Variants in UBL3 observed in about 807,000 individuals in gnomAD.
The protein encoded by UBL3 is ubiquitin like 3.
UBL3 carries 6 observed loss-of-function variants against 18.4 expected under a neutral mutation model. That is an observed-to-expected ratio of 0.33 (90% CI 0.18 to 0.64). The LOEUF (loss-of-function observed/expected upper bound fraction) is 0.64, where lower values mean the gene tolerates loss of function less well. Ranked by LOEUF, UBL3 falls within the 30% of genes least tolerant of loss-of-function variation. The pLI, the probability that UBL3 is intolerant of heterozygous loss-of-function variation, is 0.76. For missense variants in UBL3, 109 were observed against 142.9 expected (o/e 0.76, Z 1.21); for synonymous variants, 49 against 46.6 (o/e 1.05, Z -0.21).
At chr13:29,774,939 A>T (rs985503499) in intron 2 of UBL3, among the ~76,000 whole-genome samples, 1 of 152,164 alleles carries the variant, frequency 6.6e-6, no homozygotes, top group East Asian at 1.9e-4. Context: ...GTACTTCTTT[A>T]ATTGTTAGGA....
At chr13:29,784,322 C>G (rs762341518) in intron 1 of UBL3, among the ~76,000 whole-genome samples, 1 of 152,106 alleles carries the variant, frequency 6.6e-6, no homozygotes, top group Non-Finnish European at 1.5e-5. Context: ...TTTAAAAAGG[C>G]TGTTTTCTAC....
chr13:29,849,721 A>T lies in UBL3; in HGVS notation c.-183T>A. ...AGGCCGAGGTTCTGGTTCGAAGAGG[A>T]ACAATCCCCAGGAGCTGTGTGGCCG... On this transcript the variant is annotated 5_prime_UTR_variant, in exon 1 of 5. Transcript: ENST00000380680. 1 of 731,442 alleles carries T rather than the reference A, an allele frequency of 1.4e-6. No homozygotes were observed. Among genetic ancestry groups the T allele is most frequent in the South Asian group, 1.8e-5 (1 of 57,042 alleles). The allele number at this position is 731,442 out of a possible 1,614,324, so 45.3% of individuals were successfully genotyped here.
chr13:29,848,244 G>A (rs1212561739), intron 1 of UBL3, among the ~76,000 whole-genome samples: 2 of 128,190 alleles, frequency 1.6e-5, no homozygotes, highest in African/African-American at 6.0e-5. Context: ...AGGAGTTTGA[G>A]ACCAGCCTGG....
At chr13:29,795,851 G>A (rs1415190331) in intron 1 of UBL3, among the ~76,000 whole-genome samples, 1 of 151,596 alleles carries the variant, frequency 6.6e-6, no homozygotes, top group East Asian at 1.9e-4. Flanking sequence ...AGGATCACTG[G>A]AGCCCAGAAG....
Position 29,849,819 on chromosome 13 carries a change from C to T in UBL3, c.-281G>A, listed in dbSNP as rs1879323948. On this transcript the variant is annotated 5_prime_UTR_variant, in exon 1 of 5. Transcript: ENST00000380680. ...CGTCGTCGTCAACAGCAGCAGCAGCCCCAGGACCGGCCGCGCCAGGTGGAC... is the reference window on the plus strand; with the variant it reads ...CGTCGTCGTCAACAGCAGCAGCAGCTCCAGGACCGGCCGCGCCAGGTGGAC... 1 of 554,128 alleles carries T rather than the reference C, an allele frequency of 1.8e-6. No individual in the cohort carries two copies. Among genetic ancestry groups the T allele is most frequent in the Non-Finnish European group, 3.2e-6 (1 of 311,064 alleles). 34.3% of individuals were successfully genotyped at this position (554,128 alleles called of 1,614,324 possible). A position where few individuals can be genotyped will look rare whatever the true frequency, so the allele number is the denominator to read the frequency against.
At chr13:29,767,393 T>C (rs762627620) in intron 4 of UBL3, 86 bp from the exon 5 acceptor site, 388 of 1,481,932 alleles carry the variant, frequency 2.6e-4, no homozygotes, top group Non-Finnish European at 3.2e-4. Flanking sequence ...TAGGAAGTAG[T>C]AGTTTTGAGT....
chr13:29,770,899 G>A lies in UBL3; in HGVS notation c.223+1213C>T, dbSNP rs185750093. ...TCTTAGTAGATAGCAGCATTTTTTA[G>A]ACCAGTTATAATACTACCAGTGAAA... On this transcript the variant is annotated intron_variant, in intron 3 of 4. Coordinates refer to ENST00000380680, the MANE Select transcript of UBL3 (RefSeq NM_007106.4). Among the ~76,000 whole-genome samples the A allele has an allele frequency of 5.3e-5, 8 of 151,948 alleles. No individual in the cohort carries two copies. The East Asian group carries it at 1.4e-3, about 26-fold the overall frequency.
intron 2 of UBL3, among the ~76,000 whole-genome samples, chr13:29,774,318 TCA>T (rs1221079285): frequency 3.4e-4 from 52 of 152,258 alleles, no homozygotes; most frequent in Non-Finnish European, 5.9e-5. Context: ...CAAATAAATT[TCA>T]GAGTGATTAC....
chr13:29,831,344 C>T (rs1238311316), intron 1 of UBL3, among the ~76,000 whole-genome samples: 1 of 152,082 alleles, frequency 6.6e-6, no homozygotes, highest in Non-Finnish European at 1.5e-5. Context: ...AATCCCAGCA[C>T]TTTGGGAGGC....
In UBL3 at chr13:29,824,533, T is replaced by A. The variant is rs188594506; in HGVS notation, c.27+24979A>T. ...TTTTGAGAAGTGTCTGTTCATATCCTTCGCCCACTTGTTGCTGGGGTTGTT... is the reference window on the plus strand; with the variant it reads ...TTTTGAGAAGTGTCTGTTCATATCCATCGCCCACTTGTTGCTGGGGTTGTT... On this transcript the variant is annotated intron_variant, in intron 1 of 4. Coordinates refer to ENST00000380680, the MANE Select transcript of UBL3 (RefSeq NM_007106.4). Among the ~76,000 whole-genome samples, 26 of 152,372 alleles carry A rather than the reference T, an allele frequency of 1.7e-4. No homozygotes were observed. In the East Asian group the frequency reaches 5.0e-3, roughly 29 times the overall value.
intron 1 of UBL3, among the ~76,000 whole-genome samples, chr13:29,810,942 T>C (rs954889247): frequency 6.6e-6 from 1 of 152,114 alleles, no homozygotes; most frequent in African/African-American, 2.4e-5. Flanking sequence ...CTGGAAAACG[T>C]ACTCAACTTT....
intron 1 of UBL3, among the ~76,000 whole-genome samples, chr13:29,804,772 T>G (rs1877859729): frequency 6.6e-6 from 1 of 152,192 alleles, no homozygotes; most frequent in South Asian, 2.1e-4. Context: ...ACAGAACAGA[T>G]GTTATTTCCA....
chr13:29,778,603 AT>A (rs1197460140), intron 1 of UBL3, among the ~76,000 whole-genome samples: 4 of 151,880 alleles, frequency 2.6e-5, no homozygotes, highest in Admixed American at 2.0e-4. Flanking sequence ...TTAGTTACTA[AT>A]TTTTTTTCTT....
rs187452800 is a variant in UBL3 at position 29,827,693 on chromosome 13, T to C, written c.27+21819A>G. 8.1e-3 allele frequency among the ~76,000 whole-genome samples: 1,234 copies of C among 152,318 alleles called. 7 individuals are homozygous for C. Among genetic ancestry groups the C allele is most frequent in the Non-Finnish European group, 0.014 (960 of 68,034 alleles). ...AGTCCATTTACATTTAAGGTTAATA[T>C]TGTTATGTGTGAATTTGATCCTGTC... On this transcript the variant is annotated intron_variant, in intron 1 of 4. Coordinates refer to ENST00000380680, the MANE Select transcript of UBL3 (RefSeq NM_007106.4).
intron 1 of UBL3, among the ~76,000 whole-genome samples, chr13:29,801,428 A>T (rs1253912406): frequency 3.9e-5 from 6 of 152,082 alleles, no homozygotes; most frequent in Admixed American, 1.3e-4. Flanking sequence ...CTTTATTCAC[A>T]CTTAAAGCAT....
At chr13:29,848,543 T>G (rs944246700) in intron 1 of UBL3, among the ~76,000 whole-genome samples, 1 of 152,286 alleles carries the variant, frequency 6.6e-6, no homozygotes, top group East Asian at 1.9e-4. Flanking sequence ...TTGTTTCCAC[T>G]GAATACACAA....
chr13:29,767,556 T>G, intron 4 of UBL3, 62 bp downstream of exon 4: 1 of 1,563,902 alleles, frequency 6.4e-7, no homozygotes, highest in Non-Finnish European at 8.8e-7. Flanking sequence ...AAGAAAAACC[T>G]AGCATTTTTG....
rs1566001090 is a variant in UBL3 at position 29,835,136 on chromosome 13, ATATATATATATATATATATAT to A, written c.27+14355_27+14375del. Among the ~76,000 whole-genome samples, 21 of 8,730 alleles carry A rather than the reference ATATATATATATATATATATAT, an allele frequency of 2.4e-3. 1 individual carries two copies. Among genetic ancestry groups the A allele is most frequent in the East Asian group, 0.023 (6 of 266 alleles). 5.7% of individuals were successfully genotyped at this position (8,730 alleles called of 152,430 possible). A position where few individuals can be genotyped will look rare whatever the true frequency, so the allele number is the denominator to read the frequency against. ...TATATATATATATAAATATATATAT[ATATATATATATATATATATAT>A]ATATATATATATATATATATATATA... is the stretch of plus-strand genomic sequence containing the variant. On this transcript the variant is annotated intron_variant, in intron 1 of 4. Transcript: ENST00000380680.
At chr13:29,791,994 T>C (rs1877491810) in intron 1 of UBL3, among the ~76,000 whole-genome samples, 1 of 152,216 alleles carries the variant, frequency 6.6e-6, no homozygotes, top group Non-Finnish European at 1.5e-5. Context: ...ACAGAACAAT[T>C]GTGGACATGA....
Sources: gnomAD v4.1 joint callset for allele counts (sites outside exome capture counted in the v4.1 genomes callset) on GRCh38, gnomAD v4.1.1 for gene constraint, MANE v1.5 for transcripts, NCBI Gene and HGNC (gene_info 2026-07-23, HGNC 2026-07-21) for gene names.